Variants in EPB41L3 observed in about 807,000 individuals in gnomAD.
EPB41L3 encodes the protein band 4.1-like protein 3.
EPB41L3 carries 57 observed loss-of-function variants against 127.1 expected under a neutral mutation model. The ratio of observed to expected loss-of-function variants is 0.45; its 90% CI spans 0.36 to 0.56. The LOEUF is 0.56. EPB41L3 is among the 20% of genes least tolerant of loss of function. The probability of loss-of-function intolerance (pLI) is 0.00; values close to 1 mark genes in which losing one functional copy is unlikely to be tolerated. For missense variants in EPB41L3, 1,273 were observed against 1,372.2 expected (o/e 0.93, Z 1.14); for synonymous variants, 572 against 549.5 (o/e 1.04, Z -0.57).
intron 6 of EPB41L3, among the ~76,000 whole-genome samples, chr18:5,434,743 C>T (rs940072814): frequency 2.6e-5 from 4 of 152,204 alleles, no homozygotes; most frequent in Non-Finnish European, 4.4e-5. Flanking sequence ...GAACTTAATA[C>T]TTGATAACAA....
intron 14 of EPB41L3, 22 bp downstream of exon 14, chr18:5,410,544 C>T (rs373280567): frequency 7.3e-5 from 118 of 1,606,986 alleles, no homozygotes; most frequent in Admixed American, 1.2e-4. Context: ...CACTACCAGC[C>T]ACTCTCAGCC....
chr18:5,398,357 G>C (rs1366795550), intron 16 of EPB41L3: 1 of 593,026 alleles, frequency 1.7e-6, no homozygotes, highest in Admixed American at 3.1e-5. Context: ...ATTAGGATCA[G>C]GGTGGCGCCG....
At chr18:5,630,392 C>G (rs577000206), upstream of EPB41L3, 1 of 518,708 alleles carries the variant, frequency 1.9e-6, no homozygotes, top group African/African-American at 1.9e-5. Flanking sequence ...TCACCGAAGC[C>G]TTCCTTTGGG....
chr18:5,461,085 G>A (rs1159587087), intron 3 of EPB41L3, among the ~76,000 whole-genome samples: 1 of 152,082 alleles, frequency 6.6e-6, no homozygotes, highest in Non-Finnish European at 1.5e-5. Flanking sequence ...AGAAAGTTTT[G>A]TAAGTCGTGA....
intron 1 of EPB41L3, among the ~76,000 whole-genome samples, chr18:5,536,601 C>T (rs908235228): frequency 7.9e-5 from 12 of 150,992 alleles, no homozygotes; most frequent in South Asian, 4.2e-4. Flanking sequence ...CAGGATCATT[C>T]GAGACCAGCC....
chr18:5,614,424 C>T lies in EPB41L3; in HGVS notation c.-467-1G>A, dbSNP rs373219026. On this transcript the variant is annotated splice_acceptor_variant, in intron 1 of 21. Coordinates refer to the EPB41L3 transcript ENST00000545076. LOFTEE classifies it low-confidence loss of function (5UTR_SPLICE). ...AGCTTCTTTTGTCTCCCAATACCTCCTACATTCAAGTAGAATCAGAATTAG... is the reference window on the plus strand; with the variant it reads ...AGCTTCTTTTGTCTCCCAATACCTCTTACATTCAAGTAGAATCAGAATTAG... 1.3e-5 allele frequency: 2 copies of T among 152,126 alleles called. No homozygotes were observed. The highest frequency in any genetic ancestry group is 2.9e-5 in the Non-Finnish European group (2 of 68,010). The allele number at this position is 152,126 out of a possible 1,614,324, so 9.4% of individuals were successfully genotyped here.
chr18:5,431,835 A>G (rs2079045896), intron 8 of EPB41L3, among the ~76,000 whole-genome samples: 1 of 152,196 alleles, frequency 6.6e-6, no homozygotes, highest in Non-Finnish European at 1.5e-5. Flanking sequence ...TTTCATTTTG[A>G]AATTCTCACT....
rs140780596 is a variant in EPB41L3 at position 5,415,992 on chromosome 18, G to A, written c.1893C>T (p.Ser631=). 1 of 1,614,026 alleles carries A rather than the reference G, an allele frequency of 6.2e-7. No homozygotes were observed. The highest frequency in any genetic ancestry group is 1.3e-5 in the African/African-American group (1 of 74,908). Residue 631 remains serine, a synonymous_variant, in exon 13 of 23, where the codon TCC becomes TCT. Transcript: ENST00000341928. ...LQHYLPIRSP[S]LVPCFLFIFF... The stretch of plus-strand genomic sequence containing the variant: ...AGATGAAGAGGAAACAGGGCACAAG[G>A]GACGGTGAGCGGATCGGGAGGTAAT...
chr18:5,433,896 C>A lies in EPB41L3; in HGVS notation c.824+7G>T. The A allele has an allele frequency of 6.2e-7, 1 of 1,614,152 alleles. No individual in the cohort carries two copies. Among genetic ancestry groups the A allele is most frequent in the Non-Finnish European group, 8.5e-7 (1 of 1,180,006 alleles). ...ACAACTTAAATGAACACCTTTCTGC[C>A]TCTAACCTGTGGCTCTTGTGCAGCT... On this transcript the variant is annotated splice_region_variant and intron_variant, in intron 7 of 22. Transcript: ENST00000341928.
At chr18:5,514,699 G>A (rs1343096696) in intron 1 of EPB41L3, among the ~76,000 whole-genome samples, 1 of 152,066 alleles carries the variant, frequency 6.6e-6, no homozygotes, top group Non-Finnish European at 1.5e-5. Context: ...TCACTTAGAG[G>A]AATCATTATC....
upstream of EPB41L3, among the ~76,000 whole-genome samples, chr18:5,547,142 ATAAAG>A (rs1197862897): frequency 6.6e-6 from 1 of 152,220 alleles, no homozygotes. Context: ...GAGAAGGAAC[ATAAAG>A]TAGAAAGCAA....
At chr18:5,490,068 T>C (rs1442704641) in intron 1 of EPB41L3, among the ~76,000 whole-genome samples, 2 of 152,232 alleles carry the variant, frequency 1.3e-5, no homozygotes, top group Non-Finnish European at 2.9e-5. Flanking sequence ...AACGTGATAA[T>C]ACCTAAATAA....
chr18:5,534,305 T>C (rs904342208), intron 1 of EPB41L3, among the ~76,000 whole-genome samples: 1 of 152,266 alleles, frequency 6.6e-6, no homozygotes, highest in South Asian at 2.1e-4. Flanking sequence ...AACGCTCATT[T>C]GACAATAGTG....
At chr18:5,500,491 T>C (rs1313810715) in intron 1 of EPB41L3, among the ~76,000 whole-genome samples, 1 of 152,076 alleles carries the variant, frequency 6.6e-6, no homozygotes, top group African/African-American at 2.4e-5. Context: ...ATTTTAAAAA[T>C]AGGGAAAAGG....
intron 14 of EPB41L3, among the ~76,000 whole-genome samples, chr18:5,409,712 C>CA (rs10653732): frequency 0.099 from 14,648 of 148,024 alleles, 1,289 homozygotes; most frequent in African/African-American, 0.24. Flanking sequence ...TAGGATGATG[C>CA]AAAAAAAAAC....
At chr18:5,506,832 G>C (rs2092241278) in intron 1 of EPB41L3, among the ~76,000 whole-genome samples, 2 of 152,120 alleles carry the variant, frequency 1.3e-5, no homozygotes, top group African/African-American at 4.8e-5. Flanking sequence ...TGCTGAATGA[G>C]GGCACCCAAC....
At chr18:5,498,812 T>C (rs1024458787) in intron 1 of EPB41L3, among the ~76,000 whole-genome samples, 1 of 152,066 alleles carries the variant, frequency 6.6e-6, no homozygotes, top group African/African-American at 2.4e-5. Flanking sequence ...ATATAGCAAC[T>C]ATTTTCTCCA....
At chr18:5,624,541 T>C (rs1024410146) in intron 1 of EPB41L3, among the ~76,000 whole-genome samples, 4 of 152,212 alleles carry the variant, frequency 2.6e-5, no homozygotes, top group Non-Finnish European at 4.4e-5. Context: ...AGGGTGGTTT[T>C]TGAAGTTTCC....
At chr18:5,617,663 G>C (rs1213368584) in intron 1 of EPB41L3, among the ~76,000 whole-genome samples, 1 of 152,220 alleles carries the variant, frequency 6.6e-6, no homozygotes, top group East Asian at 1.9e-4. Context: ...AAGGATTATA[G>C]GGTCAGCAAT....
Sources: allele counts gnomAD v4.1 joint callset (sites outside exome capture counted in the v4.1 genomes callset), GRCh38; gene constraint gnomAD v4.1.1; transcripts MANE v1.5; gene names NCBI Gene and HGNC (gene_info 2026-07-23, HGNC 2026-07-21).